Variants in ATRNL1 observed in about 807,000 individuals in gnomAD.
The protein encoded by ATRNL1 is attractin like 1.
In ATRNL1, 95 loss-of-function variants were observed where a neutral mutation model predicts 182.7. The observed-to-expected ratio is 0.52, with a 90% CI of 0.44 to 0.62. The LOEUF (loss-of-function observed/expected upper bound fraction) is 0.62. Among genes scored for constraint, ATRNL1 ranks in the 20% least tolerant of loss-of-function variants. The pLI, the probability that ATRNL1 is intolerant of heterozygous loss-of-function variation, is 0.00. For synonymous variants in ATRNL1, 576 were observed against 568.3 expected, an observed-to-expected ratio of 1.01 and a Z score of -0.19; for missense variants, 1,471 against 1,679.5, an observed-to-expected ratio of 0.88 and a Z score of 2.17.
chr10:115,490,390 A>G (rs886086274), intron 24 of ATRNL1, among the ~76,000 whole-genome samples: 1 of 151,986 alleles, frequency 6.6e-6, no homozygotes, highest in Admixed American at 6.5e-5. Flanking sequence ...GTCTTTTCTC[A>G]TAATCCCTTA....
chr10:115,127,571 A>G (rs200440547), intron 3 of ATRNL1, 22 bp from the exon 4 acceptor site: 2 of 1,593,716 alleles, frequency 1.3e-6, no homozygotes, highest in South Asian at 2.3e-5. Flanking sequence ...TACATACAAT[A>G]TTCAGTTTTG....
chr10:115,705,708 T>G (rs531662872), intron 26 of ATRNL1, among the ~76,000 whole-genome samples: 6 of 152,060 alleles, frequency 3.9e-5, no homozygotes, highest in African/African-American at 1.2e-4. Flanking sequence ...TCCTATAAGA[T>G]TACTGTCTCC....
chr10:115,407,252 C>CAAA (rs1844875314), intron 20 of ATRNL1, among the ~76,000 whole-genome samples: 1 of 152,030 alleles, frequency 6.6e-6, no homozygotes. Flanking sequence ...ATTATCTTTC[C>CAAA]AGCGATTTGA....
intron 24 of ATRNL1, among the ~76,000 whole-genome samples, chr10:115,473,535 CT>C (rs1848400228): frequency 6.6e-6 from 1 of 151,148 alleles, no homozygotes; most frequent in African/African-American, 2.4e-5. Context: ...CATTGATTTT[CT>C]TTTCTTGTAG....
In ATRNL1 at chr10:115,230,095, G is replaced by T. The variant is rs367956574; in HGVS notation, c.1533-11476G>T. 8.5e-5 allele frequency among the ~76,000 whole-genome samples: 13 copies of T among 152,084 alleles called. No individual in the cohort carries two copies. The East Asian group carries it at 2.3e-3, about 27-fold the overall frequency. ...TATTTGCCAGCAAACCTTTCATTTA[G>T]TTTTTCTGTTTTTAAATTTTGCATA... On this transcript the variant is annotated intron_variant, in intron 9 of 28. Transcript: ENST00000355044.
chr10:115,312,388 T>C (rs1554928137), intron 17 of ATRNL1, among the ~76,000 whole-genome samples: 1 of 152,170 alleles, frequency 6.6e-6, no homozygotes, highest in African/African-American at 2.4e-5. Flanking sequence ...GGATACAAAA[T>C]TATTGGCTGG....
chr10:115,860,649 A>T (rs1951294510), intron 28 of ATRNL1, among the ~76,000 whole-genome samples: 1 of 152,210 alleles, frequency 6.6e-6, no homozygotes, highest in Non-Finnish European at 1.5e-5. Context: ...CTCCAACTGC[A>T]TGCAGCCACA....
intron 27 of ATRNL1, among the ~76,000 whole-genome samples, chr10:115,792,542 T>C (rs1301307048): frequency 1.3e-5 from 2 of 152,114 alleles, no homozygotes; most frequent in Non-Finnish European, 2.9e-5. Flanking sequence ...TATATCTAAA[T>C]TAACTTCTTT....
chr10:115,864,961 G>A (rs1267483120), intron 28 of ATRNL1, among the ~76,000 whole-genome samples: 3 of 149,408 alleles, frequency 2.0e-5, no homozygotes, highest in African/African-American at 4.9e-5. Context: ...CAGCCTGGGC[G>A]ACAGAGCGAG....
chr10:115,560,818 T>C (rs535041569), intron 26 of ATRNL1, among the ~76,000 whole-genome samples: 2 of 152,270 alleles, frequency 1.3e-5, no homozygotes, highest in African/African-American at 4.8e-5. Flanking sequence ...TTTGGATCCA[T>C]AGAATGTAAC....
At chr10:115,654,408 G>C (rs554720361) in intron 26 of ATRNL1, among the ~76,000 whole-genome samples, 1 of 151,868 alleles carries the variant, frequency 6.6e-6, no homozygotes, top group South Asian at 2.1e-4. Flanking sequence ...TAGTAGAGAC[G>C]GGGTTTTGCC....
chr10:115,542,283 C>A (rs1263053562), intron 25 of ATRNL1, among the ~76,000 whole-genome samples: 2 of 152,034 alleles, frequency 1.3e-5, no homozygotes, highest in African/African-American at 2.4e-5. Context: ...GGTTCTGTTA[C>A]AGAACCGTGG....
At chr10:115,685,919 A>G (rs2804149) in intron 26 of ATRNL1, among the ~76,000 whole-genome samples, 141,724 of 151,484 alleles carry the variant, frequency 0.94, 67,058 homozygotes, top group East Asian at 1. Flanking sequence ...TGAGAGTCTC[A>G]ATAGTTCTAT....
intron 26 of ATRNL1, among the ~76,000 whole-genome samples, chr10:115,604,357 A>G (rs1026677500): frequency 4.6e-5 from 7 of 152,102 alleles, no homozygotes; most frequent in Non-Finnish European, 7.4e-5. Context: ...CTATTAAGGT[A>G]TATCCTTTTC....
intron 8 of ATRNL1, among the ~76,000 whole-genome samples, chr10:115,198,197 T>TA (rs1848432652): frequency 1.3e-5 from 2 of 152,200 alleles, no homozygotes; most frequent in Admixed American, 1.3e-4. Context: ...TTTCTGATAA[T>TA]AACGATTCTA....
chr10:115,535,680 T>A (rs1851939080), intron 25 of ATRNL1, among the ~76,000 whole-genome samples: 1 of 152,078 alleles, frequency 6.6e-6, no homozygotes, highest in Admixed American at 6.6e-5. Flanking sequence ...GGAGGGGAGG[T>A]GCTCTGGTTT....
rs147689452 is a variant in ATRNL1 at position 115,872,097 on chromosome 10, G to A, written c.4018+24106G>A. Among the ~76,000 whole-genome samples, 897 of 152,280 alleles carry A rather than the reference G, an allele frequency of 5.9e-3. 21 individuals are homozygous for A. The highest frequency in any genetic ancestry group is 0.02 in the African/African-American group (839 of 41,554). On this transcript the variant is annotated intron_variant, in intron 28 of 28. Coordinates refer to ENST00000355044, the MANE Select transcript of ATRNL1 (RefSeq NM_207303.4). ...GAGTTACAGTGCTATGGAGAAAATTGGGTTATCATCTATGGTTAAATCCAA... is the reference window on the plus strand; with the variant it reads ...GAGTTACAGTGCTATGGAGAAAATTAGGTTATCATCTATGGTTAAATCCAA...
At chr10:115,225,067 AC>A (rs2144482438) in intron 9 of ATRNL1, among the ~76,000 whole-genome samples, 1 of 152,266 alleles carries the variant, frequency 6.6e-6, no homozygotes, top group African/African-American at 2.4e-5. Flanking sequence ...AAAGGATGTT[AC>A]AGGTAAGGAA....
At chr10:115,656,124 G>T (rs1015533754) in intron 26 of ATRNL1, among the ~76,000 whole-genome samples, 1 of 152,012 alleles carries the variant, frequency 6.6e-6, no homozygotes, top group Admixed American at 6.6e-5. Flanking sequence ...TTATTGGCCC[G>T]TTTCACTGTT....
Sources: gnomAD v4.1 joint callset for allele counts (sites outside exome capture counted in the v4.1 genomes callset) on GRCh38, gnomAD v4.1.1 for gene constraint, MANE v1.5 for transcripts, NCBI Gene and HGNC (gene_info 2026-07-23, HGNC 2026-07-21) for gene names.